The following KXD1 variants were observed in gnomAD, a reference collection of about 807,000 sequenced individuals.
KXD1 encodes kxDL motif-containing protein 1.
A neutral mutation model predicts 12.1 loss-of-function variants in KXD1; 5 were observed. The ratio of observed to expected loss-of-function variants is 0.41; its 90% CI spans 0.22 to 0.87. KXD1 has a LOEUF of 0.87. KXD1 is among the 40% of genes least tolerant of loss of function. The pLI, the probability that KXD1 is intolerant of heterozygous loss-of-function variation, is 0.31. For missense variants in KXD1, 193 were observed against 244.9 expected, an observed-to-expected ratio of 0.79 and a Z score of 1.41; for synonymous variants, 98 against 100.5, an observed-to-expected ratio of 0.98 and a Z score of 0.15.
Position 18,568,414 on chromosome 19 carries a change from C to T in KXD1, c.314C>T (p.Ala105Val), listed in dbSNP as rs372951796. The T allele has an allele frequency of 1.2e-6, 2 of 1,613,336 alleles. No individual in the cohort carries two copies. The highest frequency in any genetic ancestry group is 2.7e-5 in the African/African-American group (2 of 74,904). ...CTCCTTCCCCCAGATATCCCAGAGG[C>T]ATCCTTCCTGGAGGAAGAGGATGAA... is the stretch of plus-strand genomic sequence containing the variant. Reference protein sequence around the residue: ...HPEAFSHIPEASFLEEEDEDP... With the variant: ...HPEAFSHIPEVSFLEEEDEDP... Residue 105 changes from alanine to valine, a missense_variant, in exon 5 of 5, where the codon GCA becomes GTA. Transcript: ENST00000222307.
chr19:18,562,589 G>C (rs542469476), intron 2 of KXD1, among the ~76,000 whole-genome samples: 1 of 152,356 alleles, frequency 6.6e-6, no homozygotes, highest in East Asian at 1.9e-4. Flanking sequence ...AGCCCTCTGA[G>C]TAGCTGGGAT....
At chr19:18,559,418 T>C (rs764232118) in intron 1 of KXD1, 3 of 152,188 alleles carry the variant, frequency 2.0e-5, no homozygotes, top group Non-Finnish European at 4.4e-5. Context: ...TGGCACCTTA[T>C]TTCTAGAAGG....
At position 18,567,179 on chromosome 19, in the gene KXD1, G is replaced by GT; in HGVS notation, c.301+2dup. 2 of 1,614,038 alleles carry GT rather than the reference G, an allele frequency of 1.2e-6. No homozygotes were observed. The highest frequency in any genetic ancestry group is 1.7e-6 in the Non-Finnish European group (2 of 1,179,924). On this transcript the variant is annotated splice_donor_variant, in intron 4 of 4. Coordinates refer to ENST00000222307, the MANE Select transcript of KXD1 (RefSeq NM_024069.4). LOFTEE classifies it high-confidence loss of function. Reference sequence around the variant, plus strand: ...AGGCAGCACCCAGAGGCCTTCAGCCGTAAGTGTCACGCAGGGTTCCTGCTC... The same window carrying GT: ...AGGCAGCACCCAGAGGCCTTCAGCCGTTAAGTGTCACGCAGGGTTCCTGCTC...
intron 1 of KXD1, chr19:18,558,503 A>T (rs1165321551): frequency 6.6e-6 from 1 of 152,084 alleles, no homozygotes; most frequent in Non-Finnish European, 1.5e-5. Flanking sequence ...GATGCTCTCA[A>T]AATGTTGATT....
chr19:18,566,618 C>T (rs1010338480), intron 3 of KXD1, among the ~76,000 whole-genome samples: 2 of 151,636 alleles, frequency 1.3e-5, no homozygotes, highest in East Asian at 1.9e-4. Context: ...TGATGAAATC[C>T]CGTCTCTACT....
chr19:18,567,560 C>T (rs1223853230), intron 4 of KXD1, among the ~76,000 whole-genome samples: 1 of 152,218 alleles, frequency 6.6e-6, no homozygotes, highest in African/African-American at 2.4e-5. Context: ...AGCTGTTACC[C>T]ACAGTCACCC....
At chr19:18,562,741 C>T (rs567117240) in intron 2 of KXD1, among the ~76,000 whole-genome samples, 1 of 152,378 alleles carries the variant, frequency 6.6e-6, no homozygotes, top group South Asian at 2.1e-4. Context: ...GGATTATAGG[C>T]CTGAGCCACT....
Position 18,568,735 on chromosome 19 carries a change from T to C in KXD1, c.*104T>C. On this transcript the variant is annotated 3_prime_UTR_variant, in exon 5 of 5. Coordinates refer to ENST00000222307, the MANE Select transcript of KXD1 (RefSeq NM_024069.4). ...CATCCAGGGCTCCTTTGCTGCCCCG[T>C]TCTGTCACCCAGGGCTCCTAGGGGG... 1 of 837,734 alleles carries C rather than the reference T, an allele frequency of 1.2e-6. No homozygotes were observed. Among genetic ancestry groups the C allele is most frequent in the Admixed American group, 2.4e-5 (1 of 41,326 alleles). 51.9% of individuals were successfully genotyped at this position (837,734 alleles called of 1,614,324 possible).
intron 4 of KXD1, among the ~76,000 whole-genome samples, chr19:18,568,055 G>T (rs557806986): frequency 1.3e-5 from 2 of 152,274 alleles, no homozygotes; most frequent in Non-Finnish European, 1.5e-5. Context: ...ATCACCTGAG[G>T]TCGGGAGTTC....
chr19:18,561,183 G>A lies in KXD1; in HGVS notation c.-21-853G>A, dbSNP rs187517031. 5.7e-4 allele frequency among the ~76,000 whole-genome samples: 87 copies of A among 152,006 alleles called. 1 individual carries two copies. In the South Asian group the frequency reaches 0.015, roughly 27 times the overall value. On this transcript the variant is annotated intron_variant, in intron 1 of 4. Transcript: ENST00000222307. ...TTTGGGAGGCCAAGGCAAAAGGGTCGTGTCAGCCTAGGAATTTAAGAGCAG... is the reference window on the plus strand; with the variant it reads ...TTTGGGAGGCCAAGGCAAAAGGGTCATGTCAGCCTAGGAATTTAAGAGCAG...
Position 18,568,495 on chromosome 19 carries a change from G to T in KXD1, c.395G>T (p.Gly132Val). The T allele has an allele frequency of 6.2e-7, 1 of 1,614,088 alleles. No individual in the cohort carries two copies. The stretch of plus-strand genomic sequence containing the variant: ...ATTGCCACCTCAGAACAGAGCACGG[G>T]CTCATGTGACACCAGCCCCGACACC... ...TTIATSEQSTGSCDTSPDTVS... is the reference protein window; with the variant it reads ...TTIATSEQSTVSCDTSPDTVS... The change falls in exon 5 of 5, where the codon GGC (glycine) becomes GTC (valine). Residue 132 changes from glycine to valine, a missense_variant. Physicochemically the swap from Gly to Val is moderately radical, Grantham distance 109 (BLOSUM62 -3). Coordinates refer to ENST00000222307, the MANE Select transcript of KXD1 (RefSeq NM_024069.4).
chr19:18,562,843 C>A (rs1268543428), intron 2 of KXD1, among the ~76,000 whole-genome samples: 1 of 152,180 alleles, frequency 6.6e-6, no homozygotes, highest in East Asian at 1.9e-4. Context: ...TGCACAGTGC[C>A]CAGGGTCTCT....
chr19:18,560,442 C>T (rs1209377022), intron 1 of KXD1: 1 of 152,232 alleles, frequency 6.6e-6, no homozygotes, highest in Non-Finnish European at 1.5e-5. Flanking sequence ...TGTAGCCCCT[C>T]CTACCCTGGC....
rs1444326167 is a variant in KXD1 at position 18,568,640 on chromosome 19, C to T, written c.*9C>T. On this transcript the variant is annotated 3_prime_UTR_variant, in exon 5 of 5. Coordinates refer to ENST00000222307, the MANE Select transcript of KXD1 (RefSeq NM_024069.4). ...AGATGACGGGCGAATAGCCCTGCTG[C>T]CCGGTGCCTTGAGGGGGTCTCAGGG... 16 of 1,600,562 alleles carry T rather than the reference C, an allele frequency of 1.0e-5. No homozygotes were observed. The South Asian group carries it at 1.2e-4, about 12-fold the overall frequency.
chr19:18,564,403 C>T (rs1024870649), intron 2 of KXD1, among the ~76,000 whole-genome samples: 2 of 151,970 alleles, frequency 1.3e-5, no homozygotes, highest in Admixed American at 6.6e-5. Flanking sequence ...GGGTGGATCA[C>T]GAGGTCAGGA....
At position 18,568,639 on chromosome 19, in the gene KXD1, G is replaced by A. The variant is rs769055388; in HGVS notation, c.*8G>A. 16 of 1,601,560 alleles carry A rather than the reference G, an allele frequency of 1.0e-5. No homozygotes were observed. Among genetic ancestry groups the A allele is most frequent in the Admixed American group, 3.3e-5 (2 of 59,910 alleles). On this transcript the variant is annotated 3_prime_UTR_variant, in exon 5 of 5. Transcript: ENST00000222307. Reference sequence around the variant, plus strand: ...GAGATGACGGGCGAATAGCCCTGCTGCCCGGTGCCTTGAGGGGGTCTCAGG... The same window carrying A: ...GAGATGACGGGCGAATAGCCCTGCTACCCGGTGCCTTGAGGGGGTCTCAGG...
At chr19:18,568,303 T>G (rs1600600145) in intron 4 of KXD1, 99 bp from the exon 5 acceptor site, 3 of 792,088 alleles carry the variant, frequency 3.8e-6, no homozygotes, top group Non-Finnish European at 4.2e-6. Context: ...CATACCCCCA[T>G]GGGGTGAGGG....
chr19:18,565,875 A>T (rs1174275802), intron 3 of KXD1, among the ~76,000 whole-genome samples: 10 of 151,974 alleles, frequency 6.6e-5, no homozygotes, highest in African/African-American at 1.9e-4. Flanking sequence ...TTTAGTAGAG[A>T]CGAGATTTCA....
chr19:18,561,750 A>G (rs1974923944), intron 1 of KXD1: 2 of 235,966 alleles, frequency 8.5e-6, no homozygotes, highest in Admixed American at 5.8e-5. Flanking sequence ...TGTGCAGGTG[A>G]GAGGTACCTG....
Sources: gnomAD v4.1 joint callset for allele counts (sites outside exome capture counted in the v4.1 genomes callset) on GRCh38, gnomAD v4.1.1 for gene constraint, MANE v1.5 for transcripts, NCBI Gene and HGNC (gene_info 2026-07-23, HGNC 2026-07-21) for gene names.